Variants in ZNF519 observed in about 807,000 individuals in gnomAD.
The protein encoded by ZNF519 is zinc finger protein 519, also known as similar to Zinc finger protein 85 (Zinc finger protein HPF4) (HTF1).
In ZNF519, 7 loss-of-function variants were observed where a neutral mutation model predicts 7.4. The observed-to-expected ratio is 0.94, with a 90% CI of 0.54 to 1.77. The LOEUF (loss-of-function observed/expected upper bound fraction) is 1.77, where lower values mean the gene tolerates loss of function less well. ZNF519 is among the 40% of genes most tolerant of loss of function. The pLI, the probability that ZNF519 is intolerant of heterozygous loss-of-function variation, is 0.00. For synonymous variants in ZNF519, 179 were observed against 203.3 expected, an observed-to-expected ratio of 0.88 and a Z score of 1.02; for missense variants, 586 against 623.1, an observed-to-expected ratio of 0.94 and a Z score of 0.63.
intron 2 of ZNF519, among the ~76,000 whole-genome samples, chr18:14,093,776 T>C (rs1345384194): frequency 4.6e-5 from 7 of 152,222 alleles, no homozygotes; most frequent in African/African-American, 1.7e-4. Context: ...AACATGGCTT[T>C]AACAATTGTC....
At chr18:14,081,384 T>C (rs1264861172) in intron 3 of ZNF519, among the ~76,000 whole-genome samples, 2 of 152,086 alleles carry the variant, frequency 1.3e-5, no homozygotes, top group Admixed American at 1.3e-4. Context: ...AAAGAAGACA[T>C]AGCTTTTTAA....
chr18:14,116,513 T>C (rs923279101), intron 2 of ZNF519, among the ~76,000 whole-genome samples: 2 of 152,176 alleles, frequency 1.3e-5, no homozygotes, highest in African/African-American at 2.4e-5. Context: ...GCATTGTGTA[T>C]ATGGTCAAAT....
chr18:14,128,373 A>G (rs113623668), intron 1 of ZNF519, among the ~76,000 whole-genome samples: 163 of 152,308 alleles, frequency 1.1e-3, no homozygotes, highest in African/African-American at 3.8e-3. Flanking sequence ...CTAAAATGTG[A>G]TGTGCATCAC....
chr18:14,105,881 G>C lies in ZNF519; in HGVS notation c.659C>G (p.Pro220Arg). 1 of 1,604,092 alleles carries C rather than the reference G, an allele frequency of 6.2e-7. No individual in the cohort carries two copies. Among genetic ancestry groups the C allele is most frequent in the Non-Finnish European group, 8.5e-7 (1 of 1,177,544 alleles). The change falls in exon 3 of 3, where the codon CCA (proline) becomes CGA (arginine). Residue 220 changes from proline (P) to arginine (R), a missense_variant. By Grantham distance (103) the Pro-to-Arg change is moderately radical. Coordinates refer to ENST00000590202, the MANE Select transcript of ZNF519 (RefSeq NM_145287.4). Reference sequence around the variant, plus strand: ...TTGATGTTGAGTAAGCTTTGAGAATGGGTCAGAAGTTTCACCACATTCATT... The same window carrying C: ...TTGATGTTGAGTAAGCTTTGAGAATCGGTCAGAAGTTTCACCACATTCATT... ...NSNECGETSDPFSKLTQHQRI... is the reference protein window; with the variant it reads ...NSNECGETSDRFSKLTQHQRI...
At chr18:14,098,579 C>T (rs79649087), downstream of ZNF519, among the ~76,000 whole-genome samples, 2,191 of 152,146 alleles carry the variant, frequency 0.014, 53 homozygotes, top group African/African-American at 0.049. Context: ...AGGGAGGCTC[C>T]GACTTGTTAC....
chr18:14,118,831 C>T (rs915223918), intron 2 of ZNF519, among the ~76,000 whole-genome samples: 2 of 152,106 alleles, frequency 1.3e-5, no homozygotes, highest in African/African-American at 2.4e-5. Flanking sequence ...GCTGTGGTCC[C>T]GGAAGCAGCC....
intron 3 of ZNF519, among the ~76,000 whole-genome samples, chr18:14,084,539 C>G (rs1281211676): frequency 6.6e-6 from 1 of 152,118 alleles, no homozygotes; most frequent in African/African-American, 2.4e-5. Context: ...GACTGACCCC[C>G]CACTTCAAGT....
At chr18:14,089,176 G>A (rs925090844) in intron 2 of ZNF519, among the ~76,000 whole-genome samples, 3 of 152,084 alleles carry the variant, frequency 2.0e-5, no homozygotes, top group Admixed American at 1.3e-4. Flanking sequence ...TGTAGCTTAA[G>A]AACTATATAG....
At chr18:14,113,464 C>G (rs1225710853) in intron 2 of ZNF519, among the ~76,000 whole-genome samples, 1 of 152,184 alleles carries the variant, frequency 6.6e-6, no homozygotes, top group Non-Finnish European at 1.5e-5. Context: ...AGTCTCATGT[C>G]TCCCTAAAAT....
intron 2 of ZNF519, among the ~76,000 whole-genome samples, chr18:14,113,376 A>G (rs1204402975): frequency 1.3e-5 from 2 of 152,224 alleles, no homozygotes; most frequent in East Asian, 3.9e-4. Context: ...CCACCTACCC[A>G]TGACCTGGAA....
At chr18:14,089,833 G>A (rs2046106862) in intron 2 of ZNF519, 1 of 152,136 alleles carries the variant, frequency 6.6e-6, no homozygotes, top group African/African-American at 2.4e-5. Context: ...AATCTTCTCT[G>A]ACGGTAAAAC....
intron 2 of ZNF519, chr18:14,091,118 A>AT (rs1250921394): frequency 6.6e-6 from 1 of 152,318 alleles, no homozygotes; most frequent in African/African-American, 2.4e-5. Flanking sequence ...AATGCTTAAT[A>AT]TATTTATTTG....
At chr18:14,107,785 C>T (rs558092756) in intron 2 of ZNF519, among the ~76,000 whole-genome samples, 1 of 152,236 alleles carries the variant, frequency 6.6e-6, no homozygotes, top group African/African-American at 2.4e-5. Context: ...TGGTGGTAGC[C>T]TGGCGGTATT....
chr18:14,127,016 G>A (rs1339945970), intron 1 of ZNF519, among the ~76,000 whole-genome samples: 3 of 152,152 alleles, frequency 2.0e-5, no homozygotes, highest in Admixed American at 6.5e-5. Flanking sequence ...AACAGATCCC[G>A]AATCTAGCTG....
chr18:14,081,600 A>T (rs1341104790), intron 3 of ZNF519, among the ~76,000 whole-genome samples: 1 of 152,172 alleles, frequency 6.6e-6, no homozygotes, highest in Non-Finnish European at 1.5e-5. Context: ...GTTATCAGGC[A>T]TATAGCATGA....
intron 2 of ZNF519, among the ~76,000 whole-genome samples, chr18:14,109,070 G>A (rs2046208763): frequency 6.6e-6 from 1 of 151,124 alleles, no homozygotes; most frequent in Non-Finnish European, 1.5e-5. Context: ...TTGCACCATT[G>A]TACTCCAGCC....
downstream of ZNF519, chr18:14,073,548 G>A (rs2046036431): frequency 6.6e-6 from 1 of 152,148 alleles, no homozygotes; most frequent in African/African-American, 2.4e-5. Context: ...TGGGATTATA[G>A]GTGTGAGCCA....
chr18:14,094,986 T>C (rs2143104584), downstream of ZNF519, among the ~76,000 whole-genome samples: 2 of 152,352 alleles, frequency 1.3e-5, 1 homozygote, highest in South Asian at 4.1e-4. Flanking sequence ...TTAAAATAGC[T>C]ATTTTGAATT....
In ZNF519 at chr18:14,102,128, T is replaced by C. The variant is rs540832641; in HGVS notation, c.*2789A>G. On this transcript the variant is annotated 3_prime_UTR_variant, in exon 3 of 3. Transcript: ENST00000590202. ...CCATCCTATCATTCATTCATTCATT[T>C]ATTTATTTATTTAGAGATGGAGTCT... The C allele has an allele frequency of 5.3e-3, 821 of 155,850 alleles. 6 individuals are homozygous for C. The highest frequency in any genetic ancestry group is 7.2e-3 in the Non-Finnish European group (506 of 70,592). 9.7% of individuals were successfully genotyped at this position (155,850 alleles called of 1,614,324 possible).
Sources: gnomAD v4.1 joint callset for allele counts (sites outside exome capture counted in the v4.1 genomes callset) on GRCh38, gnomAD v4.1.1 for gene constraint, MANE v1.5 for transcripts, NCBI Gene and HGNC (gene_info 2026-07-23, HGNC 2026-07-21) for gene names.